The following RPS6KA3 variants were observed in gnomAD, a reference collection of about 807,000 sequenced individuals.
RPS6KA3 encodes ribosomal protein S6 kinase A3.
Under a neutral mutation model 67.2 loss-of-function variants are expected in RPS6KA3, and 4 were observed. The observed-to-expected ratio is 0.06, with a 90% CI of 0.03 to 0.14. The LOEUF is 0.14. RPS6KA3 is among the 10% of genes least tolerant of loss of function. The pLI, the probability that RPS6KA3 is intolerant of heterozygous loss-of-function variation, is 1.00. For synonymous variants in RPS6KA3, 182 were observed against 183.7 expected, an observed-to-expected ratio of 0.99 and a Z score of 0.07; for missense variants, 204 against 559.0, an observed-to-expected ratio of 0.36 and a Z score of 6.40.
At chrX:20,207,450 T>C (rs1304384991) in intron 3 of RPS6KA3, among the ~76,000 whole-genome samples, 3 of 112,299 alleles carry the variant, frequency 2.7e-5, no homozygotes, top group Non-Finnish European at 3.8e-5. Context: ...TGCATAAGAA[T>C]TCAGAGCTTG....
At chrX:20,228,593 T>C (rs1300478352) in intron 2 of RPS6KA3, among the ~76,000 whole-genome samples, 1 of 111,216 alleles carries the variant, frequency 9.0e-6, no homozygotes, top group Non-Finnish European at 1.9e-5. Context: ...AGAGAGGATC[T>C]AGAAACTCTT....
intron 17 of RPS6KA3, among the ~76,000 whole-genome samples, chrX:20,166,733 T>A (rs2067448308): frequency 1.0e-5 from 1 of 99,116 alleles, no homozygotes; most frequent in Admixed American, 1.1e-4. Context: ...TTTTTTTTTT[T>A]TTGAGATGGA....
intron 1 of RPS6KA3, among the ~76,000 whole-genome samples, chrX:20,241,394 G>A (rs773432284): frequency 9.4e-5 from 10 of 106,334 alleles, no homozygotes; most frequent in African/African-American, 3.1e-4. Flanking sequence ...TACAGAAAAC[G>A]GAATCCATGC....
At chrX:20,202,938 G>A (rs1434865264) in intron 4 of RPS6KA3, among the ~76,000 whole-genome samples, 1 of 111,468 alleles carries the variant, frequency 9.0e-6, no homozygotes, top group Non-Finnish European at 1.9e-5. Context: ...TAATGCCATG[G>A]GGTAGGACTG....
In RPS6KA3 at chrX:20,151,572, T is replaced by G. The variant is rs910218379; in HGVS notation, c.*3826A>C. ...CCAAGGTCAGCCATGGAATCCATCA[T>G]ATTTGTTAATCTGAGAAAACAGACC... On this transcript the variant is annotated 3_prime_UTR_variant, in exon 22 of 22. Coordinates refer to ENST00000379565, the MANE Select transcript of RPS6KA3 (RefSeq NM_004586.3). 19 of 112,582 alleles carry G rather than the reference T, an allele frequency of 1.7e-4. No individual in the cohort carries two copies. The highest frequency in any genetic ancestry group is 3.6e-4 in the Non-Finnish European group (19 of 53,284). 9.3% of individuals were successfully genotyped at this position (112,582 alleles called of 1,213,427 possible). A position where few individuals can be genotyped will look rare whatever the true frequency, so the allele number is the denominator to read the frequency against.
intron 1 of RPS6KA3, among the ~76,000 whole-genome samples, chrX:20,262,381 G>C (rs2070256302): frequency 8.9e-6 from 1 of 111,894 alleles, no homozygotes; most frequent in Non-Finnish European, 1.9e-5. Flanking sequence ...GGAGTACACA[G>C]TCCAATTATG....
intron 2 of RPS6KA3, among the ~76,000 whole-genome samples, chrX:20,229,041 G>C (rs1035481380): frequency 9.0e-6 from 1 of 111,317 alleles, no homozygotes; most frequent in African/African-American, 3.3e-5. Context: ...TGAATGACTA[G>C]ATGTAGTTAG....
chrX:20,214,468 T>C (rs2068794924), intron 2 of RPS6KA3, among the ~76,000 whole-genome samples: 1 of 112,405 alleles, frequency 8.9e-6, no homozygotes, highest in African/African-American at 3.2e-5. Context: ...ATCCATTGCC[T>C]TCTAGCATCC....
At chrX:20,243,357 C>T (rs150653083) in intron 1 of RPS6KA3, among the ~76,000 whole-genome samples, 4 of 112,251 alleles carry the variant, frequency 3.6e-5, no homozygotes, top group Non-Finnish European at 7.5e-5. Flanking sequence ...AGTCCCCTAG[C>T]AAAATGCCTG....
chrX:20,235,347 GAAAA>G (rs1192205697), intron 1 of RPS6KA3: 2 of 108,596 alleles, frequency 1.8e-5, no homozygotes, highest in African/African-American at 6.7e-5. Flanking sequence ...AAATCATAAA[GAAAA>G]AAATGACATT....
intron 2 of RPS6KA3, among the ~76,000 whole-genome samples, chrX:20,229,264 T>A (rs2069200333): frequency 8.9e-6 from 1 of 111,838 alleles, no homozygotes; most frequent in Non-Finnish European, 1.9e-5. Flanking sequence ...AAGTGGCTTA[T>A]CATTACATTC....
chrX:20,240,833 T>C (rs2069531958), intron 1 of RPS6KA3, among the ~76,000 whole-genome samples: 1 of 111,020 alleles, frequency 9.0e-6, no homozygotes, highest in Admixed American at 9.6e-5. Context: ...TTAAAAAGGA[T>C]ACAAAACTAT....
At chrX:20,161,021 CA>C (rs1180403389) in intron 20 of RPS6KA3, among the ~76,000 whole-genome samples, 1 of 111,384 alleles carries the variant, frequency 9.0e-6, no homozygotes, top group Non-Finnish European at 1.9e-5. Flanking sequence ...AGTTGGAGAG[CA>C]AGTCAGTGCT....
chrX:20,158,645 A>G (rs1194479353), intron 20 of RPS6KA3, among the ~76,000 whole-genome samples: 1 of 111,883 alleles, frequency 8.9e-6, no homozygotes, highest in African/African-American at 3.2e-5. Context: ...AAAATTGCAT[A>G]AAAGGTTGCA....
intron 2 of RPS6KA3, among the ~76,000 whole-genome samples, chrX:20,212,733 T>G (rs2068747992): frequency 9.1e-6 from 1 of 110,206 alleles, no homozygotes; most frequent in South Asian, 3.9e-4. Flanking sequence ...AGCAAGACCC[T>G]GTCTCAAAAG....
intron 1 of RPS6KA3, among the ~76,000 whole-genome samples, chrX:20,251,633 G>T (rs1381473054): frequency 8.9e-6 from 1 of 112,940 alleles, no homozygotes; most frequent in Admixed American, 9.3e-5. Context: ...TTTTTCAATT[G>T]TCATAAAACA....
At chrX:20,263,403 T>C (rs1020932481) in intron 1 of RPS6KA3, among the ~76,000 whole-genome samples, 1 of 112,409 alleles carries the variant, frequency 8.9e-6, no homozygotes, top group African/African-American at 3.2e-5. Flanking sequence ...AGAGTTCACC[T>C]AGACCAGTTA....
intron 10 of RPS6KA3, among the ~76,000 whole-genome samples, chrX:20,180,919 A>T (rs1398910880): frequency 8.9e-6 from 1 of 112,527 alleles, no homozygotes; most frequent in Non-Finnish European, 1.9e-5. Flanking sequence ...CAGGGGAAAA[A>T]CAGGGATAGA....
chrX:20,261,123 A>ACT (rs1429739353), intron 1 of RPS6KA3, among the ~76,000 whole-genome samples: 2 of 108,363 alleles, frequency 1.8e-5, no homozygotes, highest in Non-Finnish European at 3.8e-5. Flanking sequence ...AATGAGAGTT[A>ACT]CTAGAGGATA....
Sources: allele counts gnomAD v4.1 joint callset (sites outside exome capture counted in the v4.1 genomes callset), GRCh38; gene constraint gnomAD v4.1.1; transcripts MANE v1.5; gene names NCBI Gene and HGNC (gene_info 2026-07-23, HGNC 2026-07-21).